WASF3: variants seen among roughly 807,000 people sequenced by gnomAD.
The protein encoded by WASF3 is WASP family member 3, also known as actin-binding protein WASF3.
A neutral mutation model predicts 46.6 loss-of-function variants in WASF3; 11 were observed. That is an observed-to-expected ratio of 0.24 (90% CI 0.15 to 0.39). The LOEUF (loss-of-function observed/expected upper bound fraction) is 0.39. Among genes scored for constraint, WASF3 ranks in the 10% least tolerant of loss-of-function variants. The probability of loss-of-function intolerance (pLI) is 1.00; values close to 1 mark genes in which losing one functional copy is unlikely to be tolerated. For missense variants in WASF3, 576 were observed against 669.8 expected (o/e 0.86, Z 1.55); for synonymous variants, 242 against 259.7 (o/e 0.93, Z 0.65).
chr13:26,563,424 G>T (rs1381819521), intron 1 of WASF3, among the ~76,000 whole-genome samples: 1 of 151,794 alleles, frequency 6.6e-6, no homozygotes, highest in Non-Finnish European at 1.5e-5. Flanking sequence ...CAGCACTTTG[G>T]GAGGCTGATC....
intron 2 of WASF3, among the ~76,000 whole-genome samples, chr13:26,620,989 T>G (rs978147703): frequency 2.6e-5 from 4 of 152,180 alleles, no homozygotes; most frequent in Admixed American, 2.6e-4. Context: ...CGTTTTAAAA[T>G]GGTGGAATGC....
intron 1 of WASF3, among the ~76,000 whole-genome samples, chr13:26,590,000 C>G (rs1303439875): frequency 1.3e-5 from 2 of 152,320 alleles, no homozygotes; most frequent in Non-Finnish European, 2.9e-5. Context: ...TTTTGCTTTT[C>G]TATGTGTAAC....
chr13:26,596,848 C>T (rs377670349), intron 1 of WASF3, among the ~76,000 whole-genome samples: 1 of 152,168 alleles, frequency 6.6e-6, no homozygotes, highest in Non-Finnish European at 1.5e-5. Context: ...CATAGAACCA[C>T]CTTCTGCTAT....
At chr13:26,680,152 A>G (rs774238982) in intron 7 of WASF3, 5 of 1,597,024 alleles carry the variant, frequency 3.1e-6, no homozygotes, top group Non-Finnish European at 3.4e-6. Context: ...GAGTGACGCA[A>G]AGAAACTGGA....
Position 26,611,559 on chromosome 13 carries a change from G to A in WASF3, c.-108-1402G>A, listed in dbSNP as rs78173698. Among the ~76,000 whole-genome samples, 350 of 152,108 alleles carry A rather than the reference G, an allele frequency of 2.3e-3. 1 individual carries two copies. Among genetic ancestry groups the A allele is most frequent in the African/African-American group, 7.8e-3 (324 of 41,494 alleles). On this transcript the variant is annotated intron_variant, in intron 1 of 9. Coordinates refer to ENST00000335327, the MANE Select transcript of WASF3 (RefSeq NM_006646.6). ...ACCATCTCTTAAGTGAAATGTATAG[G>A]GCTGGTTACCCTCAAAATCATCAAG...
At position 26,588,245 on chromosome 13, in the gene WASF3, A is replaced by C. The variant is rs563548960; in HGVS notation, c.-108-24716A>C. 9.8e-5 allele frequency among the ~76,000 whole-genome samples: 15 copies of C among 152,388 alleles called. No individual in the cohort carries two copies. The South Asian group carries it at 3.1e-3, about 32-fold the overall frequency. On this transcript the variant is annotated intron_variant, in intron 1 of 9. Coordinates refer to ENST00000335327, the MANE Select transcript of WASF3 (RefSeq NM_006646.6). ...AAAATAACCCTAGAGTGTAAGTCTG[A>C]AAAATTCAGAGTGGGAGTTGGTTTA...
intron 2 of WASF3, among the ~76,000 whole-genome samples, chr13:26,638,928 G>C (rs1881910122): frequency 6.6e-6 from 1 of 152,160 alleles, no homozygotes. Context: ...AAAGAGTCTG[G>C]CTTCCTTGGT....
intron 2 of WASF3, among the ~76,000 whole-genome samples, chr13:26,637,852 C>T (rs574500417): frequency 6.6e-5 from 10 of 152,362 alleles, no homozygotes; most frequent in African/African-American, 2.2e-4. Flanking sequence ...TCCCCCATCT[C>T]ACCACCTGCT....
intron 7 of WASF3, among the ~76,000 whole-genome samples, chr13:26,677,342 A>G (rs1327148691): frequency 1.3e-5 from 2 of 152,264 alleles, no homozygotes; most frequent in African/African-American, 4.8e-5. Context: ...AAAGGCATTC[A>G]TTGAACAACA....
At chr13:26,639,039 C>T (rs577106100) in intron 2 of WASF3, among the ~76,000 whole-genome samples, 13 of 152,334 alleles carry the variant, frequency 8.5e-5, no homozygotes, top group Non-Finnish European at 1.5e-4. Flanking sequence ...TTACCAGGTG[C>T]AGGTGCCCAG....
rs71080286 is a variant in WASF3 at position 26,669,206 on chromosome 13, C to CTTTTTTTTTTTTTTTTTTTTTTTTT, written c.422+1559_422+1560insTTTTTTTTTTTTTTTTTTTTTTTTT. On this transcript the variant is annotated intron_variant, in intron 5 of 9. Coordinates refer to ENST00000335327, the MANE Select transcript of WASF3 (RefSeq NM_006646.6). ...TATGGAAAATAAAGCATATCTTTGA[C>CTTTTTTTTTTTTTTTTTTTTTTTTT]TTTTTTTTTTTTTTTTTTTTTTTGA... 4.6e-5 allele frequency among the ~76,000 whole-genome samples: 3 copies of CTTTTTTTTTTTTTTTTTTTTTTTTT among 65,320 alleles called. 1 individual carries two copies. The highest frequency in any genetic ancestry group is 8.5e-5 in the Non-Finnish European group (3 of 35,168). 42.9% of individuals were successfully genotyped at this position (65,320 alleles called of 152,430 possible).
At chr13:26,545,802 C>A in the WASF3 span, among the ~76,000 whole-genome samples, 1 of 152,176 alleles carries the variant, frequency 6.6e-6, no homozygotes, top group African/African-American at 2.4e-5. Context: ...CAGGGTCTCA[C>A]TCTGTTGCCC....
intron 7 of WASF3, chr13:26,680,277 C>T: frequency 6.9e-7 from 1 of 1,456,136 alleles, no homozygotes; most frequent in African/African-American, 1.4e-5. Flanking sequence ...GATGTACAGC[C>T]CCTCCTGGCC....
At chr13:26,616,152 C>T (rs759574367) in intron 2 of WASF3, among the ~76,000 whole-genome samples, 48 of 152,210 alleles carry the variant, frequency 3.2e-4, no homozygotes, top group African/African-American at 1.0e-3. Flanking sequence ...ATGGCTGGAT[C>T]GTGTGATAAG....
intron 1 of WASF3, among the ~76,000 whole-genome samples, chr13:26,572,697 C>T (rs1178405785): frequency 6.6e-6 from 1 of 152,062 alleles, no homozygotes; most frequent in Admixed American, 6.6e-5. Context: ...AGACTATAGG[C>T]ACGTACCACC....
intron 1 of WASF3, chr13:26,577,202 T>C (rs1879824453): frequency 4.0e-6 from 3 of 741,392 alleles, no homozygotes; most frequent in African/African-American, 3.4e-5. Context: ...ATCTTACCTG[T>C]GACAAAATGT....
At chr13:26,658,704 T>C (rs1306152140) in intron 3 of WASF3, among the ~76,000 whole-genome samples, 2 of 152,200 alleles carry the variant, frequency 1.3e-5, no homozygotes, top group East Asian at 1.9e-4. Flanking sequence ...GCACAAGCAG[T>C]GCAGAGGTGA....
chr13:26,644,612 G>C (rs1349325738), intron 3 of WASF3, among the ~76,000 whole-genome samples: 1 of 152,178 alleles, frequency 6.6e-6, no homozygotes, highest in Non-Finnish European at 1.5e-5. Flanking sequence ...CCATGTGTCT[G>C]GATGGAAAAG....
At chr13:26,631,210 C>G (rs928582271) in intron 2 of WASF3, among the ~76,000 whole-genome samples, 1 of 151,286 alleles carries the variant, frequency 6.6e-6, no homozygotes, top group Non-Finnish European at 1.5e-5. Context: ...TTTGATATTA[C>G]TGCACAGGGA....
Sources: allele counts gnomAD v4.1 joint callset (sites outside exome capture counted in the v4.1 genomes callset), GRCh38; gene constraint gnomAD v4.1.1; transcripts MANE v1.5; gene names NCBI Gene and HGNC (gene_info 2026-07-23, HGNC 2026-07-21).